AR: variants seen among roughly 807,000 people sequenced by gnomAD.
AR encodes androgen receptor.
A neutral mutation model predicts 53.9 loss-of-function variants in AR; 8 were observed. That is an observed-to-expected ratio of 0.15 (90% confidence interval 0.09 to 0.27). The LOEUF (loss-of-function observed/expected upper bound fraction) is 0.27, where lower values mean the gene tolerates loss of function less well. Ranked by LOEUF, AR falls within the 10% of genes least tolerant of loss-of-function variation. The pLI, the probability that AR is intolerant of heterozygous loss-of-function variation, is 1.00. For missense variants in AR, 639 were observed against 742.5 expected (o/e 0.86, Z 1.62); for synonymous variants, 359 against 316.4 (o/e 1.13, Z -1.43).
chrX:67,669,693 G>A (rs1927447125), intron 2 of AR, among the ~76,000 whole-genome samples: 1 of 110,807 alleles, frequency 9.0e-6, no homozygotes, highest in Admixed American at 9.7e-5. Context: ...TTTCAACTCT[G>A]ATAATATTTG....
At chrX:67,669,415 G>A (rs1206912115) in intron 2 of AR, among the ~76,000 whole-genome samples, 1 of 111,501 alleles carries the variant, frequency 9.0e-6, no homozygotes, top group African/African-American at 3.2e-5. Flanking sequence ...AGCTTGATAT[G>A]AATGCAATTG....
chrX:67,663,736 A>G (rs1197653134), intron 2 of AR, among the ~76,000 whole-genome samples: 1 of 112,060 alleles, frequency 8.9e-6, no homozygotes, highest in Non-Finnish European at 1.9e-5. Flanking sequence ...ACTTGGTTCC[A>G]TTCTCCCCAT....
chrX:67,705,975 C>G (rs953171502), intron 3 of AR, among the ~76,000 whole-genome samples: 10 of 112,015 alleles, frequency 8.9e-5, no homozygotes, highest in African/African-American at 3.2e-4. Flanking sequence ...TGGAACCAGT[C>G]TTGCATCCCA....
At chrX:67,683,506 A>T (rs1156659735) in intron 2 of AR, among the ~76,000 whole-genome samples, 1 of 112,276 alleles carries the variant, frequency 8.9e-6, no homozygotes, top group East Asian at 2.8e-4. Context: ...TATCTCATGT[A>T]ATCAATGGGG....
rs1438636136 is a variant in AR, at chrX:67,726,809, G to C, written c.*2968G>C. On this transcript the variant is annotated 3_prime_UTR_variant, in exon 8 of 8. Coordinates refer to ENST00000374690, the MANE Select transcript of AR (RefSeq NM_000044.6). ...AGAAGTCTCATTTTGCATGCGCTCT[G>C]CTCTACAAACAGAGTTGGTATGGTT... The C allele has an allele frequency of 1.7e-5, 3 of 173,287 alleles. No individual in the cohort carries two copies. Among genetic ancestry groups the C allele is most frequent in the Non-Finnish European group, 3.3e-5 (3 of 90,988 alleles). 14.3% of individuals were successfully genotyped at this position (173,287 alleles called of 1,213,427 possible). A position where few individuals can be genotyped will look rare whatever the true frequency, so the allele number is the denominator to read the frequency against.
intron 1 of AR, among the ~76,000 whole-genome samples, chrX:67,628,229 G>A (rs1262992895): frequency 4.6e-5 from 5 of 108,726 alleles, no homozygotes; most frequent in South Asian, 8.5e-4. Context: ...ACCTTGGGCA[G>A]TATGGCCATT....
rs1239669168 is a variant in AR, at chrX:67,545,337, A to T, written c.191A>T (p.Gln64Leu). ...CTGCTGCAGCAGCAGCAGCAGCAGCAGCAGCAGCAGCAGCAGCAGCAGCAG... is the reference window on the plus strand; with the variant it reads ...CTGCTGCAGCAGCAGCAGCAGCAGCTGCAGCAGCAGCAGCAGCAGCAGCAG... ...LLLLQQQQQQ[Q>L]QQQQQQQQQQ... Residue 64 changes from glutamine (Q) to leucine (L), a missense_variant, in exon 1 of 8, where the codon CAG becomes CTG. By Grantham distance (113) the Gln-to-Leu change is moderately radical. Coordinates refer to ENST00000374690, the MANE Select transcript of AR (RefSeq NM_000044.6). The T allele has an allele frequency of 2.7e-6, 3 of 1,103,800 alleles. No homozygotes were observed. The highest frequency in any genetic ancestry group is 3.6e-6 in the Non-Finnish European group (3 of 831,768). The allele number at this position is 1,103,800 out of a possible 1,213,427, so 91.0% of individuals were successfully genotyped here. A position where few individuals can be genotyped will look rare whatever the true frequency, so the allele number is the denominator to read the frequency against.
At chrX:67,586,502 A>C (rs193107374) in intron 1 of AR, among the ~76,000 whole-genome samples, 1 of 111,911 alleles carries the variant, frequency 8.9e-6, no homozygotes, top group East Asian at 2.8e-4. Context: ...CTGCTGTTAC[A>C]CCTCTATGAG....
At chrX:67,593,254 C>A (rs890898757) in intron 1 of AR, among the ~76,000 whole-genome samples, 1 of 111,684 alleles carries the variant, frequency 9.0e-6, no homozygotes, top group Non-Finnish European at 1.9e-5. Context: ...TTATCTTTAC[C>A]TCCTTCTTTG....
chrX:67,633,332 T>C (rs894245342), intron 1 of AR, among the ~76,000 whole-genome samples: 1 of 111,552 alleles, frequency 9.0e-6, no homozygotes, highest in African/African-American at 3.3e-5. Flanking sequence ...GTTCTTTTCT[T>C]TGTGTTCATA....
At chrX:67,561,425 C>T (rs970125101) in intron 1 of AR, among the ~76,000 whole-genome samples, 13 of 111,032 alleles carry the variant, frequency 1.2e-4, no homozygotes, top group African/African-American at 1.6e-4. Context: ...AATAACAATT[C>T]GACAGTAAAA....
intron 3 of AR, among the ~76,000 whole-genome samples, chrX:67,703,263 C>G: frequency 9.0e-6 from 1 of 111,534 alleles, no homozygotes; most frequent in East Asian, 2.8e-4. Context: ...GGTTCATGGT[C>G]TTTCTCAGTG....
chrX:67,653,239 A>G (rs1281145161), intron 2 of AR, among the ~76,000 whole-genome samples: 1 of 112,231 alleles, frequency 8.9e-6, no homozygotes, highest in African/African-American at 3.2e-5. Context: ...TCAATTTACA[A>G]ATGAGGAAAC....
rs749771783 is a variant in AR at position 67,548,162 on chromosome X, G to A, written c.1616+1400G>A. On this transcript the variant is annotated intron_variant, in intron 1 of 7. Coordinates refer to ENST00000374690, the MANE Select transcript of AR (RefSeq NM_000044.6). ...TTTGGGGACTTAAATCCAGCAATTT[G>A]CCTTCTTTCACTGATGCTTTCCTTC... is the stretch of plus-strand genomic sequence containing the variant. 2.7e-5 allele frequency among the ~76,000 whole-genome samples: 3 copies of A among 111,926 alleles called. No individual in the cohort carries two copies. In the East Asian group the frequency reaches 8.5e-4, roughly 32 times the overall value.
intron 1 of AR, chrX:67,568,971 A>G: frequency 8.3e-7 from 1 of 1,210,136 alleles, no homozygotes; most frequent in East Asian, 3.0e-5. Flanking sequence ...ACGAATGCAG[A>G]GTGCTCCTGA....
At chrX:67,701,039 C>G (rs1602264801) in intron 3 of AR, among the ~76,000 whole-genome samples, 1 of 111,582 alleles carries the variant, frequency 9.0e-6, no homozygotes, top group East Asian at 2.8e-4. Context: ...ACATTCACAG[C>G]ATTATTCAGT....
At position 67,729,511 on chromosome X, in the gene AR, T is replaced by C. The variant is rs776417644; in HGVS notation, c.*5670T>C. On this transcript the variant is annotated 3_prime_UTR_variant, in exon 8 of 8. Coordinates refer to ENST00000374690, the MANE Select transcript of AR (RefSeq NM_000044.6). ...TGACTCAGCTTTGATTTATCCTCAT[T>C]TGATTTGGCCAGAAAGTAGGTAATA... 1 of 175,248 alleles carries C rather than the reference T, an allele frequency of 5.7e-6. No homozygotes were observed. Among genetic ancestry groups the C allele is most frequent in the Non-Finnish European group, 1.1e-5 (1 of 91,321 alleles). The allele number at this position is 175,248 out of a possible 1,213,427, so 14.4% of individuals were successfully genotyped here.
In AR at chrX:67,672,502, G is replaced by A. The variant is rs147660735; in HGVS notation, c.1769-13508G>A. On this transcript the variant is annotated intron_variant, in intron 2 of 7. Transcript: ENST00000374690. ...ATTTTCTTCCTTTTTATTTTTTTTT[G>A]TGTGTATTTGTTGCATGTTATTGAT... is the stretch of plus-strand genomic sequence containing the variant. Among the ~76,000 whole-genome samples, 115 of 103,846 alleles carry A rather than the reference G, an allele frequency of 1.1e-3. 2 individuals are homozygous for A. The East Asian group carries it at 0.028, about 26-fold the overall frequency. The allele number at this position is 103,846 out of a possible 115,157, so 90.2% of individuals were successfully genotyped here.
chrX:67,655,104 C>T (rs1926526259), intron 2 of AR, among the ~76,000 whole-genome samples: 1 of 108,404 alleles, frequency 9.2e-6, no homozygotes, highest in African/African-American at 3.4e-5. Context: ...TAAAAGCAGC[C>T]AACCAAAACC....
Sources: gnomAD v4.1 joint callset for allele counts (sites outside exome capture counted in the v4.1 genomes callset) on GRCh38, gnomAD v4.1.1 for gene constraint, MANE v1.5 for transcripts, NCBI Gene and HGNC (gene_info 2026-07-23, HGNC 2026-07-21) for gene names.